Variants in SIAH3 observed in about 807,000 individuals in gnomAD.
SIAH3 encodes seven in absentia homolog 3.
A neutral mutation model predicts 12.6 loss-of-function variants in SIAH3; 9 were observed. That is an observed-to-expected ratio of 0.72 (90% CI 0.43 to 1.25). SIAH3 has a LOEUF of 1.25. SIAH3 is among the 50% of genes most tolerant of loss of function. SIAH3 has a pLI of 0.00. For missense variants in SIAH3, 390 were observed against 365.4 expected, an observed-to-expected ratio of 1.07 and a Z score of -0.55; for synonymous variants, 154 against 151.1, an observed-to-expected ratio of 1.02 and a Z score of -0.14.
chr13:45,812,720 A>G (rs1318362606), intron 1 of SIAH3, among the ~76,000 whole-genome samples: 1 of 152,140 alleles, frequency 6.6e-6, no homozygotes, highest in Non-Finnish European at 1.5e-5. Context: ...GCAACCAGGT[A>G]AGGAAGCTTT....
At chr13:45,792,377 G>C (rs1196117289) in intron 1 of SIAH3, among the ~76,000 whole-genome samples, 1 of 143,704 alleles carries the variant, frequency 7.0e-6, no homozygotes, top group African/African-American at 2.7e-5. Flanking sequence ...TTTTTTTTGA[G>C]ATGGAGTTTC....
intron 1 of SIAH3, among the ~76,000 whole-genome samples, chr13:45,811,244 T>C (rs555140406): frequency 3.9e-5 from 6 of 152,194 alleles, no homozygotes; most frequent in Admixed American, 6.5e-5. Context: ...TGGTAATGAT[T>C]CTTCTCCTTT....
intron 1 of SIAH3, among the ~76,000 whole-genome samples, chr13:45,785,284 A>T (rs1950524253): frequency 1.3e-5 from 2 of 152,160 alleles, no homozygotes; most frequent in African/African-American, 4.8e-5. Flanking sequence ...CCTTGCAGCC[A>T]TTTCCTAGGC....
At chr13:45,816,276 G>C (rs567632418) in intron 1 of SIAH3, among the ~76,000 whole-genome samples, 29 of 152,318 alleles carry the variant, frequency 1.9e-4, no homozygotes, top group African/African-American at 7.0e-4. Context: ...GCAGAGAATG[G>C]TGCCCTGCAG....
chr13:45,826,740 G>C (rs1415999465), intron 1 of SIAH3, among the ~76,000 whole-genome samples: 2 of 152,078 alleles, frequency 1.3e-5, no homozygotes, highest in Admixed American at 6.5e-5. Context: ...AGGTAGAGCA[G>C]GTTCAGAAAG....
intron 1 of SIAH3, among the ~76,000 whole-genome samples, chr13:45,820,116 TGTG>T (rs1950650300): frequency 6.6e-6 from 1 of 152,214 alleles, no homozygotes; most frequent in African/African-American, 2.4e-5. Flanking sequence ...GCACGACTTA[TGTG>T]TCTCTTAAAG....
chr13:45,797,981 A>G (rs1252615598), intron 1 of SIAH3, among the ~76,000 whole-genome samples: 1 of 152,184 alleles, frequency 6.6e-6, no homozygotes, highest in Non-Finnish European at 1.5e-5. Context: ...TTAGTCATGC[A>G]GTGTCCCCTT....
intron 1 of SIAH3, among the ~76,000 whole-genome samples, chr13:45,802,804 G>GCT (rs1176925448): frequency 6.6e-6 from 1 of 152,206 alleles, no homozygotes; most frequent in Non-Finnish European, 1.5e-5. Flanking sequence ...AGGCGTGGTG[G>GCT]CTCACGCCTG....
At chr13:45,824,697 T>C (rs888286491) in intron 1 of SIAH3, among the ~76,000 whole-genome samples, 13 of 152,166 alleles carry the variant, frequency 8.5e-5, no homozygotes, top group African/African-American at 2.7e-4. Flanking sequence ...AAACAATGTT[T>C]TGTGGTATAA....
chr13:45,798,843 G>A (rs1409077203), intron 1 of SIAH3, among the ~76,000 whole-genome samples: 1 of 152,220 alleles, frequency 6.6e-6, no homozygotes, highest in Non-Finnish European at 1.5e-5. Context: ...ACTGGTCCAA[G>A]TGCAAATTGT....
rs574417310 is a variant in SIAH3 at position 45,837,659 on chromosome 13, T to C, written c.135+13836A>G. ...ATGCATGCAGGCCAAAAGAAATCAATGTTTATGAAAGAACTACCGTGTGCC... is the reference window on the plus strand; with the variant it reads ...ATGCATGCAGGCCAAAAGAAATCAACGTTTATGAAAGAACTACCGTGTGCC... On this transcript the variant is annotated intron_variant, in intron 1 of 1. Transcript: ENST00000400405. Among the ~76,000 whole-genome samples the C allele has an allele frequency of 3.1e-4, 47 of 152,224 alleles. 1 individual carries two copies. The South Asian group carries it at 9.1e-3, about 30-fold the overall frequency.
intron 1 of SIAH3, among the ~76,000 whole-genome samples, chr13:45,802,804 G>T (rs1441437316): frequency 6.6e-6 from 1 of 152,206 alleles, no homozygotes; most frequent in Non-Finnish European, 1.5e-5. Flanking sequence ...AGGCGTGGTG[G>T]CTCACGCCTG....
chr13:45,833,735 C>T (rs894154876), intron 1 of SIAH3, among the ~76,000 whole-genome samples: 4 of 152,152 alleles, frequency 2.6e-5, no homozygotes, highest in African/African-American at 4.8e-5. Context: ...AGAAAGGGGA[C>T]ATGACCTGCT....
chr13:45,786,624 G>A (rs997530683), intron 1 of SIAH3, among the ~76,000 whole-genome samples: 6 of 152,198 alleles, frequency 3.9e-5, no homozygotes, highest in South Asian at 2.1e-4. Flanking sequence ...TCTGTAAAAC[G>A]GCGTTACAAA....
At chr13:45,833,662 C>T (rs1320755103) in intron 1 of SIAH3, among the ~76,000 whole-genome samples, 1 of 152,146 alleles carries the variant, frequency 6.6e-6, no homozygotes, top group Non-Finnish European at 1.5e-5. Flanking sequence ...TCACGATAAA[C>T]CATTGTGGTT....
At chr13:45,827,394 C>T (rs528196678) in intron 1 of SIAH3, among the ~76,000 whole-genome samples, 42 of 152,286 alleles carry the variant, frequency 2.8e-4, no homozygotes, top group African/African-American at 9.9e-4. Flanking sequence ...AAACCATCTA[C>T]CCCCAGGCTG....
At chr13:45,807,921 G>A (rs1426655772) in intron 1 of SIAH3, among the ~76,000 whole-genome samples, 1 of 152,048 alleles carries the variant, frequency 6.6e-6, no homozygotes, top group Non-Finnish European at 1.5e-5. Context: ...TAACAACCCA[G>A]GTAGTAAATA....
intron 1 of SIAH3, among the ~76,000 whole-genome samples, chr13:45,829,589 A>G (rs1368569804): frequency 6.6e-6 from 1 of 152,158 alleles, no homozygotes; most frequent in East Asian, 1.9e-4. Context: ...AGCCCTGGCG[A>G]CAGACCAAGA....
At chr13:45,839,661 T>C (rs564368115) in intron 1 of SIAH3, among the ~76,000 whole-genome samples, 2 of 151,902 alleles carry the variant, frequency 1.3e-5, no homozygotes, top group South Asian at 2.1e-4. Flanking sequence ...TGAAACCCCA[T>C]CTCTACTAAA....
Sources: allele counts gnomAD v4.1 joint callset (sites outside exome capture counted in the v4.1 genomes callset), GRCh38; gene constraint gnomAD v4.1.1; transcripts MANE v1.5; gene names NCBI Gene and HGNC (gene_info 2026-07-23, HGNC 2026-07-21).